Variants in PRH1 observed in about 807,000 individuals in gnomAD.
PRH1 encodes the protein salivary acidic proline-rich phosphoprotein 1/2.
PRH1 carries 7 observed loss-of-function variants against 7.9 expected under a neutral mutation model. That is an observed-to-expected ratio of 0.89 (90% CI 0.50 to 1.67). PRH1 has a LOEUF of 1.67. PRH1 is among the 40% of genes most tolerant of loss of function. The pLI, the probability that PRH1 is intolerant of heterozygous loss-of-function variation, is 0.00. For missense variants in PRH1, 109 were observed against 223.6 expected (o/e 0.49, Z 3.27); for synonymous variants, 45 against 80.8 (o/e 0.56, Z 2.38).
intron 1 of PRH1, among the ~76,000 whole-genome samples, chr12:11,160,857 A>T (rs1410612477): frequency 1.3e-5 from 2 of 152,246 alleles, no homozygotes; most frequent in African/African-American, 4.8e-5. Flanking sequence ...TACAAAAGTG[A>T]CATAAACAAG....
intron 1 of PRH1, among the ~76,000 whole-genome samples, chr12:10,993,729 CA>C (rs1243516070): frequency 1.3e-5 from 2 of 148,812 alleles, no homozygotes; most frequent in Admixed American, 6.7e-5. Context: ...GGAACTAGAA[CA>C]AAAAATGCCT....
chr12:10,938,034 T>C (rs1244925826), intron 2 of PRH1: 4 of 414,912 alleles, frequency 9.6e-6, no homozygotes, highest in African/African-American at 8.2e-5. Context: ...AAATCTATAT[T>C]ATCTGTTTGT....
intron 2 of PRH1, among the ~76,000 whole-genome samples, chr12:10,947,926 T>A (rs1006889592): frequency 6.6e-6 from 1 of 152,298 alleles, no homozygotes; most frequent in Admixed American, 6.5e-5. Context: ...GGCTGAAGAT[T>A]TTTTTCTTTA....
intron 2 of PRH1, chr12:10,964,635 C>T: frequency 3.9e-6 from 2 of 508,092 alleles, no homozygotes; most frequent in Non-Finnish European, 3.6e-6. Context: ...AGAAAGTAAA[C>T]AGCAAATAAC....
At chr12:11,153,108 T>C (rs902342790) in intron 1 of PRH1, among the ~76,000 whole-genome samples, 3 of 152,154 alleles carry the variant, frequency 2.0e-5, no homozygotes. Context: ...TAACTTATAA[T>C]CAAGTTCCTA....
chr12:11,051,510 C>T (rs1235264418), upstream of PRH1, among the ~76,000 whole-genome samples: 3 of 152,252 alleles, frequency 2.0e-5, no homozygotes, highest in East Asian at 5.8e-4. Context: ...GTCATAAACA[C>T]TCATGTAACC....
chr12:10,997,433 T>C (rs779435750), intron 1 of PRH1: 27 of 1,613,940 alleles, frequency 1.7e-5, no homozygotes, highest in Admixed American at 3.3e-5. Context: ...TATATACGTG[T>C]GTTTCATCAC....
chr12:11,086,186 T>C (rs75620903), intron 1 of PRH1, among the ~76,000 whole-genome samples: 54,092 of 114,426 alleles, frequency 0.47, 9,132 homozygotes, highest in Non-Finnish European at 0.56. Context: ...TTTTCTTACT[T>C]GGGCTTTTCA....
intron 2 of PRH1, among the ~76,000 whole-genome samples, chr12:10,892,934 T>A (rs1018202258): frequency 6.6e-6 from 1 of 152,174 alleles, no homozygotes; most frequent in Non-Finnish European, 1.5e-5. Flanking sequence ...GAACTGGGGA[T>A]GTATGTGCAG....
rs572346783 is a variant in PRH1 at position 11,095,757 on chromosome 12, C to A, written n.124-48569G>T. ...GTTCCAGACTGCAGTAAGCCATGATCCTACCACTGAACTCCAGCGTGGACA... is the reference window on the plus strand; with the variant it reads ...GTTCCAGACTGCAGTAAGCCATGATACTACCACTGAACTCCAGCGTGGACA... On this transcript the variant is annotated intron_variant and non_coding_transcript_variant, in intron 1 of 4. Transcript: ENST00000541977. 3.5e-5 allele frequency among the ~76,000 whole-genome samples: 4 copies of A among 114,636 alleles called. 1 individual carries two copies. The highest frequency in any genetic ancestry group is 1.2e-4 in the African/African-American group (4 of 34,114). The allele number at this position is 114,636 out of a possible 152,430, so 75.2% of individuals were successfully genotyped here.
At chr12:10,940,578 C>T (rs1451561518) in intron 2 of PRH1, among the ~76,000 whole-genome samples, 1 of 152,122 alleles carries the variant, frequency 6.6e-6, no homozygotes, top group Non-Finnish European at 1.5e-5. Flanking sequence ...GCACCAAATA[C>T]CTTCACATTT....
At chr12:10,906,679 G>A (rs1022183241) in intron 2 of PRH1, among the ~76,000 whole-genome samples, 9 of 152,090 alleles carry the variant, frequency 5.9e-5, no homozygotes, top group Admixed American at 5.9e-4. Flanking sequence ...TTCCCCTTTC[G>A]CTTGGCTGTC....
chr12:10,906,629 G>A (rs1244257259), intron 2 of PRH1, among the ~76,000 whole-genome samples: 1 of 152,156 alleles, frequency 6.6e-6, no homozygotes, highest in Non-Finnish European at 1.5e-5. Flanking sequence ...TCTCATGGTA[G>A]TGAATAAGTC....
chr12:10,903,941 A>AAAAAAAAAAAAAAAAAAAAC (rs1949762913), intron 2 of PRH1, among the ~76,000 whole-genome samples: 1 of 144,998 alleles, frequency 6.9e-6, no homozygotes, highest in Admixed American at 7.0e-5. Context: ...CAAAAAAAAA[A>AAAAAAAAAAAAAAAAAAAAC]AAAAAAAAAA....
chr12:11,028,332 G>T (rs1335062957), intron 1 of PRH1, among the ~76,000 whole-genome samples: 1 of 152,140 alleles, frequency 6.6e-6, no homozygotes, highest in Admixed American at 6.5e-5. Context: ...GTTTCCCCTT[G>T]TAGCCCTTCT....
chr12:11,032,936 A>G (rs569361583), intron 1 of PRH1, among the ~76,000 whole-genome samples: 19 of 152,292 alleles, frequency 1.2e-4, no homozygotes, highest in African/African-American at 4.6e-4. Flanking sequence ...TTACCATAAG[A>G]GTATGGCCTA....
At chr12:11,056,014 T>TCA (rs1372560566) in intron 1 of PRH1, among the ~76,000 whole-genome samples, 4 of 152,120 alleles carry the variant, frequency 2.6e-5, no homozygotes, top group African/African-American at 4.8e-5. Flanking sequence ...ACAAACACGT[T>TCA]CACACACACA....
chr12:10,991,880 C>A (rs1229408317), intron 1 of PRH1, among the ~76,000 whole-genome samples: 1 of 152,152 alleles, frequency 6.6e-6, no homozygotes, highest in African/African-American at 2.4e-5. Flanking sequence ...GAGCATGCAA[C>A]ATGAAAACTA....
At chr12:10,918,228 G>T (rs1223203617) in intron 2 of PRH1, among the ~76,000 whole-genome samples, 3 of 152,086 alleles carry the variant, frequency 2.0e-5, no homozygotes. Context: ...GGGGCAGGAC[G>T]GGGGTGGGAG....
Sources: allele counts gnomAD v4.1 joint callset (sites outside exome capture counted in the v4.1 genomes callset), GRCh38; gene constraint gnomAD v4.1.1; transcripts MANE v1.5; gene names NCBI Gene and HGNC (gene_info 2026-07-23, HGNC 2026-07-21).